Variants in L3MBTL2 observed in about 807,000 individuals in gnomAD.
L3MBTL2 encodes lethal(3)malignant brain tumor-like protein 2.
L3MBTL2 carries 49 observed loss-of-function variants against 86.4 expected under a neutral mutation model. The observed-to-expected ratio is 0.57, with a 90% CI of 0.45 to 0.72. The LOEUF (loss-of-function observed/expected upper bound fraction) is 0.72, where lower values mean the gene tolerates loss of function less well. Ranked by LOEUF, L3MBTL2 falls within the 30% of genes least tolerant of loss-of-function variation. L3MBTL2 has a pLI of 0.00. For missense variants in L3MBTL2, 755 were observed against 923.7 expected (o/e 0.82, Z 2.37); for synonymous variants, 336 against 350.6 (o/e 0.96, Z 0.47).
chr22:41,226,619 G>C (rs1217628747), intron 12 of L3MBTL2, 43 bp from the exon 13 acceptor site: 3 of 1,411,046 alleles, frequency 2.1e-6, no homozygotes, highest in Non-Finnish European at 3.0e-6. Context: ...CCCACTTCCT[G>C]CTTCCCCCTC....
intron 16 of L3MBTL2, 50 bp from the exon 17 acceptor site, chr22:41,230,089 C>CCCCCCCCCCTTTTT: frequency 8.0e-6 from 7 of 873,242 alleles, no homozygotes; most frequent in South Asian, 6.5e-5. Flanking sequence ...GCCCCCACCC[C>CCCCCCCCCCTTTTT]TCCCAGAGTT....
At position 41,230,201 on chromosome 22, in the gene L3MBTL2, C is replaced by T; in HGVS notation, c.2068C>T (p.Pro690Ser). Residue 690 changes from proline (P) to serine (S), a missense_variant, in exon 17 of 17, where the codon CCA becomes TCA. Coordinates refer to ENST00000216237, the MANE Select transcript of L3MBTL2 (RefSeq NM_031488.5). ...DVASPDKASS[P>S]ELPVSVENIK... ...GGCCTCGCCCGACAAGGCTTCAAGT[C>T]CAGAGCTGCCTGTCTCCGTCGAGAA... The T allele has an allele frequency of 6.3e-7, 1 of 1,596,876 alleles. No homozygotes were observed. The highest frequency in any genetic ancestry group is 1.7e-4 in the Middle Eastern group (1 of 5,986).
At chr22:41,228,787 T>C (rs1397596860) in intron 15 of L3MBTL2, among the ~76,000 whole-genome samples, 1 of 145,726 alleles carries the variant, frequency 6.9e-6, no homozygotes, top group Admixed American at 7.0e-5. Flanking sequence ...GGGCCGGAGG[T>C]GGCAGTGAGC....
Position 41,217,104 on chromosome 22 carries a change from C to T in L3MBTL2, c.521-19C>T, listed in dbSNP as rs751558965. 2.5e-6 allele frequency: 4 copies of T among 1,609,022 alleles called. No individual in the cohort carries two copies. The highest frequency in any genetic ancestry group is 1.7e-5 in the Admixed American group (1 of 59,974). On this transcript the variant is annotated intron_variant, in intron 4 of 16. Coordinates refer to ENST00000216237, the MANE Select transcript of L3MBTL2 (RefSeq NM_031488.5). ...TGCTGCGCAGGCTCCTAGTCTGACT[C>T]GTCCTCTCTGCTCTGCAGCTCTGGT...
chr22:41,214,176 T>A (rs927149588), intron 3 of L3MBTL2, 150 bp downstream of exon 3: 3 of 710,366 alleles, frequency 4.2e-6, no homozygotes, highest in South Asian at 1.9e-5. Flanking sequence ...CAGAGGACAG[T>A]AGAATCCATT....
At chr22:41,229,106 A>G (rs933219840) in intron 15 of L3MBTL2, among the ~76,000 whole-genome samples, 3 of 152,048 alleles carry the variant, frequency 2.0e-5, no homozygotes, top group Admixed American at 6.6e-5. Context: ...AAAAATTTTT[A>G]ATTAGCTGGG....
At chr22:41,207,014 T>C (rs942189384) in intron 1 of L3MBTL2, among the ~76,000 whole-genome samples, 7 of 152,132 alleles carry the variant, frequency 4.6e-5, no homozygotes, top group South Asian at 4.1e-4. Flanking sequence ...AAGAATTCTC[T>C]AAAGAAAGCT....
At chr22:41,215,666 G>A (rs994650950) in intron 3 of L3MBTL2, among the ~76,000 whole-genome samples, 1 of 151,982 alleles carries the variant, frequency 6.6e-6, no homozygotes, top group Non-Finnish European at 1.5e-5. Context: ...CCGAACATTC[G>A]CCTATGTGGA....
chr22:41,217,394 T>A (rs1164754993), intron 5 of L3MBTL2, 192 bp downstream of exon 5: 4 of 578,048 alleles, frequency 6.9e-6, no homozygotes, highest in Non-Finnish European at 9.3e-6. Context: ...TTCTATCACC[T>A]GCTTGGCTTC....
intron 5 of L3MBTL2, chr22:41,219,094 C>T (rs932435986): frequency 2.8e-5 from 7 of 249,734 alleles, no homozygotes; most frequent in South Asian, 5.5e-5. Flanking sequence ...GGCACAGGGA[C>T]GAAGGGATCG....
intron 3 of L3MBTL2, 35 bp from the exon 4 acceptor site, chr22:41,216,104 G>A (rs369463912): frequency 1.9e-5 from 30 of 1,585,900 alleles, no homozygotes; most frequent in Middle Eastern, 3.3e-4. Context: ...GATCCCAGCC[G>A]CCAGGCTACA....
At chr22:41,223,353 G>A (rs1406264545) in intron 8 of L3MBTL2, among the ~76,000 whole-genome samples, 1 of 152,232 alleles carries the variant, frequency 6.6e-6, no homozygotes, top group Non-Finnish European at 1.5e-5. Context: ...AAGTCACAGT[G>A]AACAAAAAGA....
rs766195010 is a variant in L3MBTL2 at position 41,205,372 on chromosome 22, C to T, written c.10C>T (p.Pro4Ser). ...GCGAAACTGAGGTCTCATGGAGAAG[C>T]CCCGGAGTATTGAGGTGAGAAGGCG... Reference protein sequence around the residue: MEKPRSIEETPSSE... With the variant: MEKSRSIEETPSSE... Residue 4 changes from proline (P) to serine (S), a missense_variant, in exon 1 of 17, where the codon CCC becomes TCC. Physicochemically the swap from Pro to Ser is moderately conservative, Grantham distance 74 (BLOSUM62 -1). Around this residue, in one of 3 missense-constraint regions of L3MBTL2, gnomAD observed 103 missense variants for 105.2 expected, o/e 0.98. Transcript: ENST00000216237. The T allele has an allele frequency of 2.5e-6, 4 of 1,614,168 alleles. No individual in the cohort carries two copies. The South Asian group carries it at 3.3e-5, about 13-fold the overall frequency.
intron 6 of L3MBTL2, 135 bp from the exon 7 acceptor site, chr22:41,220,599 A>T: frequency 1.2e-6 from 1 of 823,624 alleles, no homozygotes; most frequent in Non-Finnish European, 1.8e-6. Context: ...TGGAGCTTGC[A>T]GTGAGCTGAG....
chr22:41,208,290 T>G (rs1307423578), intron 1 of L3MBTL2: 11 of 442,216 alleles, frequency 2.5e-5, no homozygotes, highest in African/African-American at 2.2e-4. Flanking sequence ...CCACCACACC[T>G]GGCTAATTTT....
chr22:41,222,253 G>A (rs940534331), intron 8 of L3MBTL2, among the ~76,000 whole-genome samples: 7 of 152,144 alleles, frequency 4.6e-5, no homozygotes, highest in African/African-American at 1.7e-4. Flanking sequence ...TACAGACCCT[G>A]CCATCCAGAA....
chr22:41,223,634 C>A (rs1348850920), intron 8 of L3MBTL2, among the ~76,000 whole-genome samples: 1 of 152,262 alleles, frequency 6.6e-6, no homozygotes, highest in East Asian at 1.9e-4. Context: ...GGCTGCACAC[C>A]AGCTTCCAGG....
intron 15 of L3MBTL2, chr22:41,228,299 A>AGGGTGGGAGC: frequency 4.4e-6 from 4 of 908,342 alleles, no homozygotes; most frequent in Non-Finnish European, 5.3e-6. Flanking sequence ...AGGGTGGGAG[A>AGGGTGGGAGC]GGGTGGGAGC....
rs1364522248 is a variant in L3MBTL2, at chr22:41,225,169, T to A, written c.1356+98T>A. On this transcript the variant is annotated intron_variant, in intron 11 of 16. Transcript: ENST00000216237. This position sits in a 1 kb window ranked among gnomAD's most constrained non-coding sequence, Gnocchi z 4.1. ...CCACTCGCCACCGTCAGGGGGTCTGTGTCCCAGCCTCTCATCACTGGCTGC... is the reference window on the plus strand; with the variant it reads ...CCACTCGCCACCGTCAGGGGGTCTGAGTCCCAGCCTCTCATCACTGGCTGC... 1.5e-5 allele frequency: 14 copies of A among 910,286 alleles called. No homozygotes were observed. The highest frequency in any genetic ancestry group is 2.3e-5 in the Non-Finnish European group (14 of 597,570). 56.4% of individuals were successfully genotyped at this position (910,286 alleles called of 1,614,324 possible).
Sources: allele counts gnomAD v4.1 joint callset (sites outside exome capture counted in the v4.1 genomes callset), GRCh38; gene constraint gnomAD v4.1.1; regional missense constraint gnomAD v4.1.1; non-coding constraint Gnocchi (gnomAD v3.1); transcripts MANE v1.5; gene names NCBI Gene and HGNC (gene_info 2026-07-23, HGNC 2026-07-21).